RBMS3: variants seen among roughly 807,000 people sequenced by gnomAD.
The protein encoded by RBMS3 is RNA binding motif single stranded interacting protein 3, also known as RNA-binding motif, single-stranded-interacting protein 3.
A neutral mutation model predicts 66.8 loss-of-function variants in RBMS3; 27 were observed. The ratio of observed to expected loss-of-function variants is 0.40; its 90% CI spans 0.30 to 0.56. The LOEUF (loss-of-function observed/expected upper bound fraction) is 0.56. Among genes scored for constraint, RBMS3 ranks in the 20% least tolerant of loss-of-function variants. RBMS3 has a pLI of 0.40. For missense variants in RBMS3, 513 were observed against 549.5 expected, an observed-to-expected ratio of 0.93 and a Z score of 0.66; for synonymous variants, 188 against 183.0, an observed-to-expected ratio of 1.03 and a Z score of -0.22.
chr3:29,482,634 T>C (rs1165191664), intron 2 of RBMS3, among the ~76,000 whole-genome samples: 3 of 151,368 alleles, frequency 2.0e-5, no homozygotes, highest in Non-Finnish European at 4.4e-5. Context: ...CTATATTGGC[T>C]AAATGAGGAA....
intron 6 of RBMS3, among the ~76,000 whole-genome samples, chr3:29,844,651 T>C (rs9880922): frequency 0.016 from 2,374 of 152,322 alleles, 53 homozygotes; most frequent in African/African-American, 0.052. Context: ...AAGGTTCAGA[T>C]TTTTGATTCA....
intron 3 of RBMS3, among the ~76,000 whole-genome samples, chr3:29,502,949 G>C (rs781297316): frequency 6.6e-6 from 1 of 151,976 alleles, no homozygotes; most frequent in Non-Finnish European, 1.5e-5. Flanking sequence ...GTTCTGTTTG[G>C]CTTGCCTCCC....
At chr3:29,891,488 G>T (rs980049254) in intron 8 of RBMS3, among the ~76,000 whole-genome samples, 1 of 151,548 alleles carries the variant, frequency 6.6e-6, no homozygotes, top group Admixed American at 6.6e-5. Flanking sequence ...GAGCTATGTG[G>T]TAAAACTCTA....
At chr3:29,328,369 T>C (rs2035460910) in intron 1 of RBMS3, among the ~76,000 whole-genome samples, 1 of 152,178 alleles carries the variant, frequency 6.6e-6, no homozygotes, top group Non-Finnish European at 1.5e-5. Flanking sequence ...GTGAATAAAC[T>C]GAAATGAAAT....
chr3:29,981,013 A>G (rs1161058586), intron 12 of RBMS3, among the ~76,000 whole-genome samples: 3 of 152,234 alleles, frequency 2.0e-5, no homozygotes, highest in Non-Finnish European at 2.9e-5. Flanking sequence ...TCTATAAATT[A>G]CTTTGGGCAA....
chr3:29,417,316 A>G (rs2040519946), intron 1 of RBMS3, among the ~76,000 whole-genome samples: 2 of 152,076 alleles, frequency 1.3e-5, no homozygotes, highest in African/African-American at 4.8e-5. Flanking sequence ...AAGGCACAAC[A>G]AGACCTGAGT....
chr3:29,979,132 A>G (rs919867950), intron 12 of RBMS3, among the ~76,000 whole-genome samples: 1 of 152,082 alleles, frequency 6.6e-6, no homozygotes, highest in African/African-American at 2.4e-5. Context: ...GACTGCCTCT[A>G]AAACAAAAAG....
chr3:29,858,635 A>C (rs1303941054), intron 6 of RBMS3, among the ~76,000 whole-genome samples: 1 of 152,206 alleles, frequency 6.6e-6, no homozygotes. Context: ...CTTTTCCCCA[A>C]AAAGTGAACT....
At chr3:29,607,259 G>A (rs1328218177) in intron 4 of RBMS3, among the ~76,000 whole-genome samples, 4 of 151,924 alleles carry the variant, frequency 2.6e-5, no homozygotes, top group Non-Finnish European at 4.4e-5. Flanking sequence ...CCATTGGGCT[G>A]TTATAGTAAA....
chr3:29,477,175 G>A (rs893553290), intron 2 of RBMS3, among the ~76,000 whole-genome samples: 24 of 151,708 alleles, frequency 1.6e-4, no homozygotes, highest in African/African-American at 4.8e-4. Flanking sequence ...CTCTGTTTTC[G>A]TTTGACCCTT....
intron 2 of RBMS3, among the ~76,000 whole-genome samples, chr3:29,474,311 T>C (rs571107788): frequency 1.4e-4 from 21 of 152,384 alleles, no homozygotes; most frequent in Middle Eastern, 3.4e-3. Context: ...ATAAACCTAA[T>C]ATATTTATCT....
intron 3 of RBMS3, among the ~76,000 whole-genome samples, chr3:29,529,468 C>T (rs553196605): frequency 5.3e-5 from 8 of 152,102 alleles, no homozygotes; most frequent in Admixed American, 2.0e-4. Context: ...TTTTTGAAAA[C>T]GCATGATTCT....
At chr3:29,644,029 T>C (rs1053161001) in intron 4 of RBMS3, among the ~76,000 whole-genome samples, 2 of 152,208 alleles carry the variant, frequency 1.3e-5, no homozygotes, top group Admixed American at 1.3e-4. Flanking sequence ...AGTATGCCGC[T>C]TCTACCCCCA....
chr3:29,293,196 T>A (rs2032962349), intron 1 of RBMS3, among the ~76,000 whole-genome samples: 1 of 151,814 alleles, frequency 6.6e-6, no homozygotes, highest in Admixed American at 6.6e-5. Context: ...TAAAGTGTAT[T>A]TTTGATTTTC....
chr3:29,492,064 T>C (rs1160304390), intron 3 of RBMS3, among the ~76,000 whole-genome samples: 2 of 152,014 alleles, frequency 1.3e-5, no homozygotes, highest in African/African-American at 4.8e-5. Context: ...GGCAAAGTGA[T>C]CGTGTGTCCA....
At chr3:29,415,965 AG>A (rs2040462776) in intron 1 of RBMS3, among the ~76,000 whole-genome samples, 1 of 152,168 alleles carries the variant, frequency 6.6e-6, no homozygotes, top group Non-Finnish European at 1.5e-5. Context: ...AAGGACATGA[AG>A]GGGCATGGGC....
At chr3:29,486,771 T>C (rs189734028) in intron 2 of RBMS3, among the ~76,000 whole-genome samples, 2 of 152,298 alleles carry the variant, frequency 1.3e-5, no homozygotes, top group East Asian at 1.9e-4. Context: ...AACACAGTAA[T>C]GTTTAATTTC....
At chr3:29,505,501 A>AT (rs1353943200) in intron 3 of RBMS3, among the ~76,000 whole-genome samples, 3 of 109,094 alleles carry the variant, frequency 2.7e-5, no homozygotes, top group Admixed American at 1.1e-4. Context: ...GATGCCTTCA[A>AT]TTTTGTTTTT....
chr3:29,424,166 T>C (rs1429023522), intron 1 of RBMS3, among the ~76,000 whole-genome samples: 2 of 152,192 alleles, frequency 1.3e-5, no homozygotes, highest in Admixed American at 6.5e-5. Flanking sequence ...TCTAAAGTAA[T>C]AAAAGGAAAA....
Sources: gnomAD v4.1 joint callset for allele counts (sites outside exome capture counted in the v4.1 genomes callset) on GRCh38, gnomAD v4.1.1 for gene constraint, MANE v1.5 for transcripts, NCBI Gene and HGNC (gene_info 2026-07-23, HGNC 2026-07-21) for gene names.